GRAP2: variants seen among roughly 807,000 people sequenced by gnomAD.
GRAP2 encodes the protein GRB2 related adaptor protein 2, also known as GRB2-related adapter protein 2.
In GRAP2, 31 loss-of-function variants were observed where a neutral mutation model predicts 43.5. The ratio of observed to expected loss-of-function variants is 0.71; its 90% CI spans 0.54 to 0.96. GRAP2 has a LOEUF of 0.96. Ranked by LOEUF, GRAP2 falls within the 40% of genes least tolerant of loss-of-function variation. GRAP2 has a pLI of 0.00. For missense variants in GRAP2, 371 were observed against 424.4 expected, an observed-to-expected ratio of 0.87 and a Z score of 1.11; for synonymous variants, 156 against 164.8, an observed-to-expected ratio of 0.95 and a Z score of 0.41.
At chr22:39,957,721 G>A (rs934414029) in intron 3 of GRAP2, among the ~76,000 whole-genome samples, 1 of 152,136 alleles carries the variant, frequency 6.6e-6, no homozygotes, top group African/African-American at 2.4e-5. Flanking sequence ...GATCACTTGT[G>A]GCTAGGAGTT....
chr22:39,904,951 G>T (rs1252019053), intron 1 of GRAP2, among the ~76,000 whole-genome samples: 1 of 152,136 alleles, frequency 6.6e-6, no homozygotes, highest in Admixed American at 6.5e-5. Flanking sequence ...AGCATGATTT[G>T]ATTTTGATTG....
rs1444944966 is a variant in GRAP2 at position 39,973,462 on chromosome 22, G to A, written c.*2378G>A. ...CCCGTAGGCAGGCGGTATGAGCAGAGCTTTCAGAACCCCTGGAGCTCGGTG... is the reference window on the plus strand; with the variant it reads ...CCCGTAGGCAGGCGGTATGAGCAGAACTTTCAGAACCCCTGGAGCTCGGTG... On this transcript the variant is annotated 3_prime_UTR_variant, in exon 8 of 8. Coordinates refer to ENST00000344138, the MANE Select transcript of GRAP2 (RefSeq NM_004810.4). The A allele has an allele frequency of 1.3e-5, 2 of 152,230 alleles. No individual in the cohort carries two copies. The highest frequency in any genetic ancestry group is 2.4e-5 in the African/African-American group (1 of 41,446). 9.4% of individuals were successfully genotyped at this position (152,230 alleles called of 1,614,324 possible).
chr22:39,898,907 A>G (rs549048385), upstream of GRAP2, among the ~76,000 whole-genome samples: 71 of 152,358 alleles, frequency 4.7e-4, no homozygotes, highest in African/African-American at 8.7e-4. Flanking sequence ...AATTTTAAAC[A>G]AAGTATGGTT....
chr22:39,915,322 C>G (rs2066595572), intron 1 of GRAP2, among the ~76,000 whole-genome samples: 1 of 152,006 alleles, frequency 6.6e-6, no homozygotes, highest in Admixed American at 6.5e-5. Flanking sequence ...AGGTAAACAC[C>G]CAGCCCCACT....
In GRAP2 at chr22:39,971,954, C is replaced by T. The variant is rs556653844; in HGVS notation, c.*870C>T. The T allele has an allele frequency of 2.0e-4, 30 of 152,384 alleles. No homozygotes were observed. The highest frequency in any genetic ancestry group is 3.4e-3 in the Middle Eastern group (1 of 294). The allele number at this position is 152,384 out of a possible 1,614,324, so 9.4% of individuals were successfully genotyped here. A position where few individuals can be genotyped will look rare whatever the true frequency, so the allele number is the denominator to read the frequency against. ...TTTTATGGTTACAAGGGTATGTCTT[C>T]AGGGCTCTGTTCATTTTCCCTCTTG... On this transcript the variant is annotated 3_prime_UTR_variant, in exon 8 of 8. Transcript: ENST00000344138.
chr22:39,899,628 A>T (rs749282197), upstream of GRAP2, among the ~76,000 whole-genome samples: 1 of 152,190 alleles, frequency 6.6e-6, no homozygotes, highest in African/African-American at 2.4e-5. Context: ...TCCTTTTCAG[A>T]TATAACCAGG....
At chr22:39,940,779 C>G (rs577878263) in intron 1 of GRAP2, among the ~76,000 whole-genome samples, 1 of 152,110 alleles carries the variant, frequency 6.6e-6, no homozygotes, top group African/African-American at 2.4e-5. Context: ...AAGATGACCA[C>G]GAATTCTTTG....
intron 7 of GRAP2, 135 bp downstream of exon 7, chr22:39,969,668 C>G: frequency 3.4e-6 from 3 of 874,868 alleles, no homozygotes; most frequent in Non-Finnish European, 5.1e-6. Flanking sequence ...AATCCCAACA[C>G]TTTGGGAGGC....
chr22:39,964,077 T>C, intron 4 of GRAP2: 1 of 309,588 alleles, frequency 3.2e-6, no homozygotes, highest in South Asian at 4.7e-5. Flanking sequence ...TTAAAATTCT[T>C]GACCTTTCTT....
At chr22:39,939,290 C>T (rs1242648713) in intron 1 of GRAP2, among the ~76,000 whole-genome samples, 1 of 152,080 alleles carries the variant, frequency 6.6e-6, no homozygotes, top group Non-Finnish European at 1.5e-5. Flanking sequence ...TGGCCTGGCG[C>T]GGTGGCTCGC....
chr22:39,956,472 GT>G (rs2087955081), intron 3 of GRAP2, among the ~76,000 whole-genome samples: 1 of 145,856 alleles, frequency 6.9e-6, no homozygotes, highest in African/African-American at 2.5e-5. Context: ...TAAGTTTTGG[GT>G]TTTTTTGGGT....
intron 1 of GRAP2, among the ~76,000 whole-genome samples, chr22:39,920,221 G>A (rs549917671): frequency 3.3e-5 from 5 of 152,252 alleles, no homozygotes; most frequent in East Asian, 1.9e-4. Context: ...TTTGGTACAC[G>A]CTAGGGGACA....
intron 1 of GRAP2, among the ~76,000 whole-genome samples, chr22:39,924,701 C>CA (rs1049475917): frequency 4.1e-4 from 57 of 139,992 alleles, no homozygotes; most frequent in South Asian, 1.4e-3. Flanking sequence ...GACTCCGTCT[C>CA]AAAAAAAAAA....
intron 4 of GRAP2, chr22:39,964,231 C>A: frequency 1.7e-6 from 1 of 586,426 alleles, no homozygotes; most frequent in South Asian, 2.2e-5. Flanking sequence ...TCAGCCCACC[C>A]TTCCTAGATG....
In GRAP2 at chr22:39,901,182, A is replaced by G. The variant is rs1601681303; in HGVS notation, c.-163A>G. On this transcript the variant is annotated 5_prime_UTR_variant, in exon 1 of 8. Transcript: ENST00000344138. ...TCTGTAAACTTGCACCCTCTTTCAG[A>G]GTGGTACATGGAAGACAGCACAAAG... 3 of 631,788 alleles carry G rather than the reference A, an allele frequency of 4.7e-6. No homozygotes were observed. In the East Asian group the frequency reaches 2.0e-4, roughly 42 times the overall value. 39.1% of individuals were successfully genotyped at this position (631,788 alleles called of 1,614,324 possible). A position where few individuals can be genotyped will look rare whatever the true frequency, so the allele number is the denominator to read the frequency against.
chr22:39,965,937 G>A lies in GRAP2; in HGVS notation c.291-53G>A, dbSNP rs1023990699. The A allele has an allele frequency of 7.8e-6, 11 of 1,409,104 alleles. No individual in the cohort carries two copies. In the Admixed American group the frequency reaches 1.8e-4, roughly 24 times the overall value. 87.3% of individuals were successfully genotyped at this position (1,409,104 alleles called of 1,614,324 possible). On this transcript the variant is annotated intron_variant, in intron 4 of 7. Transcript: ENST00000344138. ...CATCCCAGATGTGAGCAGCCTGGAG[G>A]TGGTGACATTATCACCGTGTAACAT...
At chr22:39,934,817 C>T (rs1404281975) in intron 1 of GRAP2, among the ~76,000 whole-genome samples, 1 of 151,948 alleles carries the variant, frequency 6.6e-6, no homozygotes, top group South Asian at 2.1e-4. Context: ...GCTACAGTGA[C>T]CCATGATCAC....
intron 1 of GRAP2, among the ~76,000 whole-genome samples, chr22:39,917,906 A>G (rs2145584284): frequency 6.6e-6 from 1 of 151,988 alleles, no homozygotes; most frequent in East Asian, 1.9e-4. Context: ...AATGAAGACA[A>G]CTCTGCTTTC....
At chr22:39,955,541 A>C (rs916348571) in intron 2 of GRAP2, among the ~76,000 whole-genome samples, 1 of 152,044 alleles carries the variant, frequency 6.6e-6, no homozygotes, top group Non-Finnish European at 1.5e-5. Flanking sequence ...GAAGTCCTTG[A>C]GTGCTGAATT....
Sources: gnomAD v4.1 joint callset for allele counts (sites outside exome capture counted in the v4.1 genomes callset) on GRCh38, gnomAD v4.1.1 for gene constraint, MANE v1.5 for transcripts, NCBI Gene and HGNC (gene_info 2026-07-23, HGNC 2026-07-21) for gene names.